Variants in GALNTL6 observed in about 807,000 individuals in gnomAD.
GALNTL6 encodes the protein polypeptide N-acetylgalactosaminyltransferase like 6.
GALNTL6 carries 46 observed loss-of-function variants against 73.7 expected under a neutral mutation model. The ratio of observed to expected loss-of-function variants is 0.62; its 90% confidence interval spans 0.49 to 0.80. GALNTL6 has a LOEUF of 0.80. GALNTL6 is among the 30% of genes least tolerant of loss of function. The pLI is 0.00. For synonymous variants in GALNTL6, 259 were observed against 263.7 expected (o/e 0.98, Z 0.17); for missense variants, 604 against 755.0 (o/e 0.80, Z 2.34).
At chr4:171,898,807 T>C (rs1333995116) in intron 2 of GALNTL6, among the ~76,000 whole-genome samples, 2 of 152,082 alleles carry the variant, frequency 1.3e-5, no homozygotes, top group Admixed American at 1.3e-4. Flanking sequence ...CATGATAATG[T>C]ACAACTGCCA....
At chr4:171,860,613 G>A (rs1366088436) in intron 2 of GALNTL6, among the ~76,000 whole-genome samples, 1 of 152,068 alleles carries the variant, frequency 6.6e-6, no homozygotes, top group Non-Finnish European at 1.5e-5. Context: ...CATTTTTAAT[G>A]GAAGCTGGAC....
chr4:173,010,870 G>A (rs548332991), intron 11 of GALNTL6, among the ~76,000 whole-genome samples: 21 of 151,746 alleles, frequency 1.4e-4, no homozygotes, highest in Non-Finnish European at 2.9e-4. Context: ...CTCCCAAAGT[G>A]CTGGGATTAC....
intron 5 of GALNTL6, among the ~76,000 whole-genome samples, chr4:172,575,153 C>T (rs12503858): frequency 0.47 from 71,806 of 152,008 alleles, 18,817 homozygotes; most frequent in East Asian, 0.67. Context: ...TCATGACATG[C>T]GTATTACATG....
intron 5 of GALNTL6, among the ~76,000 whole-genome samples, chr4:172,779,419 A>T (rs1019084262): frequency 2.0e-5 from 3 of 152,010 alleles, no homozygotes; most frequent in Non-Finnish European, 4.4e-5. Context: ...ATCGGCAGGG[A>T]GGGGTTCTGC....
At chr4:172,177,270 T>C (rs1178998130) in intron 2 of GALNTL6, among the ~76,000 whole-genome samples, 1 of 152,180 alleles carries the variant, frequency 6.6e-6, no homozygotes, top group Non-Finnish European at 1.5e-5. Context: ...GAACATTTAA[T>C]AAAAATTCAT....
chr4:171,882,052 T>C (rs1004430055), intron 2 of GALNTL6, among the ~76,000 whole-genome samples: 2 of 152,206 alleles, frequency 1.3e-5, no homozygotes, highest in Non-Finnish European at 2.9e-5. Flanking sequence ...ACTCTCTAGT[T>C]CTCTTGATAC....
intron 2 of GALNTL6, among the ~76,000 whole-genome samples, chr4:171,952,748 G>T (rs1413197123): frequency 6.6e-6 from 1 of 152,024 alleles, no homozygotes; most frequent in East Asian, 1.9e-4. Flanking sequence ...GATCTAATGA[G>T]TAAAAATAAG....
intron 4 of GALNTL6, among the ~76,000 whole-genome samples, chr4:172,345,092 TTG>T (rs1319760320): frequency 2.5e-5 from 3 of 120,682 alleles, no homozygotes; most frequent in African/African-American, 1.3e-4. Flanking sequence ...TGAAGAGGTA[TTG>T]TTTTTTTTTT....
chr4:172,305,838 T>C (rs1304467187), intron 3 of GALNTL6, among the ~76,000 whole-genome samples: 2 of 152,212 alleles, frequency 1.3e-5, no homozygotes, highest in African/African-American at 4.8e-5. Flanking sequence ...TTTATACCTT[T>C]AGAGAATCAT....
At chr4:171,816,961 T>C (rs1273992992) in intron 2 of GALNTL6, among the ~76,000 whole-genome samples, 1 of 152,086 alleles carries the variant, frequency 6.6e-6, no homozygotes, top group African/African-American at 2.4e-5. Flanking sequence ...TATTGCAATG[T>C]TAGCAAGGTG....
chr4:172,596,980 G>A (rs995408857), intron 5 of GALNTL6, among the ~76,000 whole-genome samples: 1 of 152,134 alleles, frequency 6.6e-6, no homozygotes, highest in Admixed American at 6.5e-5. Context: ...TTTGTAAAAG[G>A]AAAATACAGT....
At chr4:172,051,369 C>A (rs1730858168) in intron 2 of GALNTL6, among the ~76,000 whole-genome samples, 1 of 152,108 alleles carries the variant, frequency 6.6e-6, no homozygotes, top group Non-Finnish European at 1.5e-5. Context: ...CCTCTTGATA[C>A]CCAGGTCCTT....
intron 5 of GALNTL6, among the ~76,000 whole-genome samples, chr4:172,367,507 C>T (rs543673780): frequency 2.6e-5 from 4 of 151,930 alleles, no homozygotes; most frequent in Non-Finnish European, 5.9e-5. Flanking sequence ...TAGCCAAGAA[C>T]GTAATCTTGT....
chr4:173,017,977 C>T (rs966690962), intron 11 of GALNTL6, among the ~76,000 whole-genome samples: 1 of 152,214 alleles, frequency 6.6e-6, no homozygotes, highest in Non-Finnish European at 1.5e-5. Flanking sequence ...CACTCATTTT[C>T]TGCAGGCCTG....
chr4:171,902,361 C>A (rs1479399115), intron 2 of GALNTL6, among the ~76,000 whole-genome samples: 8 of 152,078 alleles, frequency 5.3e-5, no homozygotes. Flanking sequence ...CAGTAAAAAT[C>A]AAGGAGGAGG....
In GALNTL6 at chr4:172,344,016, A is replaced by T. The variant is rs920472367; in HGVS notation, c.387-4507A>T. Reference sequence around the variant, plus strand: ...GCTTATCTGAAAATAATACAGCAATAAGAAATGCAGTAATTACACCCATAT... The same window carrying T: ...GCTTATCTGAAAATAATACAGCAATTAGAAATGCAGTAATTACACCCATAT... On this transcript the variant is annotated intron_variant, in intron 4 of 12. Coordinates refer to ENST00000506823, the MANE Select transcript of GALNTL6 (RefSeq NM_001034845.3). Among the ~76,000 whole-genome samples, 88 of 152,264 alleles carry T rather than the reference A, an allele frequency of 5.8e-4. 1 individual carries two copies. The highest frequency in any genetic ancestry group is 1.9e-3 in the African/African-American group (81 of 41,572).
At chr4:172,553,171 G>T (rs1736026259) in intron 5 of GALNTL6, among the ~76,000 whole-genome samples, 1 of 152,118 alleles carries the variant, frequency 6.6e-6, no homozygotes, top group Non-Finnish European at 1.5e-5. Context: ...ACAATTAGAA[G>T]TTGAATATGA....
chr4:172,477,473 C>T (rs1733280360), intron 5 of GALNTL6, among the ~76,000 whole-genome samples: 1 of 152,112 alleles, frequency 6.6e-6, no homozygotes, highest in African/African-American at 2.4e-5. Context: ...TCAGTACATA[C>T]ACATTTGCTA....
At chr4:172,760,211 G>A (rs1738000314) in intron 5 of GALNTL6, among the ~76,000 whole-genome samples, 1 of 152,172 alleles carries the variant, frequency 6.6e-6, no homozygotes, top group South Asian at 2.1e-4. Context: ...AACTCTGTAG[G>A]TAGGCTGAAC....
Sources: gnomAD v4.1 joint callset for allele counts (sites outside exome capture counted in the v4.1 genomes callset) on GRCh38, gnomAD v4.1.1 for gene constraint, MANE v1.5 for transcripts, NCBI Gene and HGNC (gene_info 2026-07-23, HGNC 2026-07-21) for gene names.